The following ACTR3C variants were observed in gnomAD, a reference collection of about 807,000 sequenced individuals.
ACTR3C encodes the protein actin-related protein 3C.
In ACTR3C, 18 loss-of-function variants were observed where a neutral mutation model predicts 26.3. That is an observed-to-expected ratio of 0.68 (90% CI 0.47 to 1.01). The LOEUF (loss-of-function observed/expected upper bound fraction) is 1.01. Ranked by LOEUF, ACTR3C falls within the 50% of genes least tolerant of loss-of-function variation. ACTR3C has a pLI of 0.00. For missense variants in ACTR3C, 184 were observed against 250.7 expected (o/e 0.73, Z 1.80); for synonymous variants, 55 against 94.5 (o/e 0.58, Z 2.42).
chr7:150,099,766 C>T, the ACTR3C span, among the ~76,000 whole-genome samples: 4 of 151,502 alleles, frequency 2.6e-5, no homozygotes, highest in South Asian at 2.1e-4. Flanking sequence ...GGTCTGGGCC[C>T]GGGCGGCAGA....
chr7:150,041,859 C>G, the ACTR3C span, among the ~76,000 whole-genome samples: 18 of 143,714 alleles, frequency 1.3e-4, no homozygotes, highest in East Asian at 4.1e-4. Flanking sequence ...GCTCTCAGTC[C>G]CCACTCTCGT....
At chr7:149,901,529 A>AGT in the ACTR3C span, among the ~76,000 whole-genome samples, 1 of 124,322 alleles carries the variant, frequency 8.0e-6, no homozygotes, top group East Asian at 2.3e-4. Context: ...TTCAAAATAA[A>AGT]ATATTTTAAA....
the ACTR3C span, among the ~76,000 whole-genome samples, chr7:149,956,801 C>T: frequency 1.3e-5 from 2 of 151,970 alleles, no homozygotes; most frequent in African/African-American, 4.8e-5. Flanking sequence ...AGCAGGAGTC[C>T]CAAGATATCA....
chr7:150,312,729 C>A (rs975565184), intron 1 of ACTR3C, among the ~76,000 whole-genome samples: 3 of 152,148 alleles, frequency 2.0e-5, no homozygotes, highest in African/African-American at 7.2e-5. Context: ...TGAGAAACAT[C>A]GCCCCTACCC....
the ACTR3C span, among the ~76,000 whole-genome samples, chr7:150,090,250 T>G: frequency 7.2e-5 from 11 of 152,398 alleles, no homozygotes; most frequent in East Asian, 1.7e-3. Flanking sequence ...TTCCATTATT[T>G]CAGATGAGAA....
chr7:149,998,108 C>T, the ACTR3C span, among the ~76,000 whole-genome samples: 7,201 of 130,672 alleles, frequency 0.055, 185 homozygotes, highest in East Asian at 0.12. Context: ...AAACTATAGA[C>T]ATCCACCCTT....
the ACTR3C span, among the ~76,000 whole-genome samples, chr7:150,067,763 A>G: frequency 7.3e-6 from 1 of 137,620 alleles, no homozygotes; most frequent in Non-Finnish European, 1.6e-5. Flanking sequence ...GCCACCTGAA[A>G]AGGCTGAATT....
At chr7:150,037,234 C>T in the ACTR3C span, among the ~76,000 whole-genome samples, 282 of 43,708 alleles carry the variant, frequency 6.5e-3, 78 homozygotes, top group African/African-American at 0.022. Flanking sequence ...AGGTACCTGC[C>T]GTTGGAAGAT....
At chr7:149,990,664 T>C in the ACTR3C span, among the ~76,000 whole-genome samples, 2 of 145,334 alleles carry the variant, frequency 1.4e-5, no homozygotes, top group Admixed American at 1.4e-4. Flanking sequence ...CACCAGGTAA[T>C]GCTATGGGAG....
chr7:149,903,638 C>A, the ACTR3C span, among the ~76,000 whole-genome samples: 1 of 151,562 alleles, frequency 6.6e-6, no homozygotes, highest in African/African-American at 2.4e-5. Context: ...ATCTCCTGGG[C>A]TCAAGCAATC....
At chr7:150,299,490 A>C (rs1223421581) in intron 1 of ACTR3C, among the ~76,000 whole-genome samples, 9 of 144,352 alleles carry the variant, frequency 6.2e-5, no homozygotes, top group African/African-American at 8.3e-5. Context: ...AAAAAAAAAA[A>C]AAAACAAAAA....
chr7:150,030,771 CCTCA>C, the ACTR3C span, among the ~76,000 whole-genome samples: 1 of 152,060 alleles, frequency 6.6e-6, no homozygotes, highest in Non-Finnish European at 1.5e-5. Context: ...ACTTAAGCTG[CCTCA>C]CTCACTCCAT....
chr7:150,294,419 C>T (rs1052596641), intron 2 of ACTR3C, among the ~76,000 whole-genome samples: 4 of 152,252 alleles, frequency 2.6e-5, no homozygotes, highest in Non-Finnish European at 5.9e-5. Context: ...AAACTTGCTG[C>T]ACAGACCACT....
chr7:150,166,013 T>G, the ACTR3C span, among the ~76,000 whole-genome samples: 1 of 151,712 alleles, frequency 6.6e-6, no homozygotes, highest in African/African-American at 2.4e-5. Context: ...GAAACACACA[T>G]GATTTTTATA....
the ACTR3C span, among the ~76,000 whole-genome samples, chr7:149,995,891 G>T: frequency 6.6e-6 from 1 of 152,278 alleles, no homozygotes; most frequent in South Asian, 2.1e-4. Context: ...CTTCACAGCA[G>T]AGGTGGTTCG....
At chr7:150,226,238 G>T in the ACTR3C span, among the ~76,000 whole-genome samples, 2 of 152,144 alleles carry the variant, frequency 1.3e-5, no homozygotes, top group African/African-American at 4.8e-5. Context: ...TGGATCATAT[G>T]GTGAGAGTAT....
chr7:150,096,474 C>A, the ACTR3C span, among the ~76,000 whole-genome samples: 2 of 151,350 alleles, frequency 1.3e-5, no homozygotes, highest in African/African-American at 2.5e-5. Flanking sequence ...AATTATACTT[C>A]TTTACCATTC....
At chr7:150,051,965 C>T in the ACTR3C span, among the ~76,000 whole-genome samples, 2 of 152,360 alleles carry the variant, frequency 1.3e-5, no homozygotes, top group African/African-American at 4.8e-5. Flanking sequence ...AGTTGACTTC[C>T]CTTTTCTCTG....
At chr7:150,115,313 G>A in the ACTR3C span, among the ~76,000 whole-genome samples, 2 of 152,200 alleles carry the variant, frequency 1.3e-5, no homozygotes, top group Non-Finnish European at 2.9e-5. Flanking sequence ...CTGGAAGAAT[G>A]GGAGTCTGGC....
Sources: allele counts gnomAD v4.1 joint callset (sites outside exome capture counted in the v4.1 genomes callset), GRCh38; gene constraint gnomAD v4.1.1; transcripts MANE v1.5; gene names NCBI Gene and HGNC (gene_info 2026-07-23, HGNC 2026-07-21).